SNAP47: variants seen among roughly 807,000 people sequenced by gnomAD.
The protein encoded by SNAP47 is synaptosomal-associated protein 47.
Under a neutral mutation model 31.4 loss-of-function variants are expected in SNAP47, and 20 were observed. The observed-to-expected ratio is 0.64, with a 90% confidence interval of 0.45 to 0.93. The LOEUF is 0.93. Ranked by LOEUF, SNAP47 falls within the 40% of genes least tolerant of loss-of-function variation. The pLI is 0.00. For missense variants in SNAP47, 492 were observed against 528.5 expected (o/e 0.93, Z 0.68); for synonymous variants, 194 against 213.4 (o/e 0.91, Z 0.79).
In SNAP47 at chr1:227,767,027, C is replaced by T. The variant is rs371025106; in HGVS notation, c.1057C>T (p.His353Tyr). The change falls in exon 4 of 5, where the codon CAC (histidine) becomes TAC (tyrosine). Residue 353 changes from histidine (H) to tyrosine (Y), a missense_variant. Coordinates refer to ENST00000617596, the MANE Select transcript of SNAP47 (RefSeq NM_053052.4). ...PAGDQEGTALHLQTSLPALSE... is the reference protein window; with the variant it reads ...PAGDQEGTALYLQTSLPALSE... Reference sequence around the variant, plus strand: ...AGGAGACCAGGAGGGCACAGCACTGCACCTGCAGACAAGCCTGCCAGCCCT... The same window carrying T: ...AGGAGACCAGGAGGGCACAGCACTGTACCTGCAGACAAGCCTGCCAGCCCT... 9 of 1,613,944 alleles carry T rather than the reference C, an allele frequency of 5.6e-6. No homozygotes were observed. The highest frequency in any genetic ancestry group is 4.5e-5 in the East Asian group (2 of 44,902).
intron 3 of SNAP47, among the ~76,000 whole-genome samples, chr1:227,764,349 C>T (rs1663251948): frequency 6.6e-6 from 1 of 152,214 alleles, no homozygotes; most frequent in Non-Finnish European, 1.5e-5. Flanking sequence ...GTCCAGCCTT[C>T]TGAGTGTTTA....
At chr1:227,734,478 A>C, upstream of SNAP47, 6 of 582,704 alleles carry the variant, frequency 1.0e-5, no homozygotes, top group Non-Finnish European at 1.8e-5. Flanking sequence ...CCTCCCAAAG[A>C]ACAACACTTG....
chr1:227,747,092 G>A (rs1662013596), intron 1 of SNAP47: 2 of 152,402 alleles, frequency 1.3e-5, no homozygotes, highest in South Asian at 4.1e-4. Context: ...GTTAGTACGC[G>A]TACGTGTTAC....
intron 2 of SNAP47, among the ~76,000 whole-genome samples, chr1:227,758,334 G>A (rs780823420): frequency 2.6e-5 from 4 of 152,178 alleles, no homozygotes; most frequent in East Asian, 1.9e-4. Context: ...CCTGCAAGAC[G>A]TGCCGGGTTC....
chr1:227,734,629 G>C, upstream of SNAP47: 2 of 1,611,230 alleles, frequency 1.2e-6, no homozygotes, highest in African/African-American at 1.3e-5. Context: ...GCAGCGCCTC[G>C]GTGCGTCCCA....
At chr1:227,735,361 G>T (rs774001001), upstream of SNAP47, 6 of 1,592,794 alleles carry the variant, frequency 3.8e-6, no homozygotes, top group South Asian at 1.1e-5. Context: ...GAAGACGCAG[G>T]GCGCCGCGTT....
chr1:227,771,442 A>G (rs1174800256), intron 4 of SNAP47, among the ~76,000 whole-genome samples: 1 of 152,108 alleles, frequency 6.6e-6, no homozygotes, highest in Non-Finnish European at 1.5e-5. Context: ...CCCAACATGC[A>G]CACAGCAGGA....
At chr1:227,728,172 G>C (rs1013158664), upstream of SNAP47, among the ~76,000 whole-genome samples, 1 of 152,208 alleles carries the variant, frequency 6.6e-6, no homozygotes, top group Admixed American at 6.5e-5. Flanking sequence ...GGAACCACAG[G>C]CGGTGAGTCA....
At chr1:227,753,589 C>T (rs1662512678) in intron 2 of SNAP47, among the ~76,000 whole-genome samples, 3 of 152,160 alleles carry the variant, frequency 2.0e-5, no homozygotes, top group Admixed American at 2.0e-4. Flanking sequence ...TTCTGAGAAG[C>T]GGGGTCTGTC....
At chr1:227,773,158 A>C (rs1572051439) in intron 4 of SNAP47, among the ~76,000 whole-genome samples, 1 of 128,750 alleles carries the variant, frequency 7.8e-6, no homozygotes, top group Admixed American at 8.6e-5. Flanking sequence ...TTTTGTAGAC[A>C]TGGAGTCTCC....
chr1:227,756,662 T>C (rs1328525743), intron 2 of SNAP47, among the ~76,000 whole-genome samples: 1 of 152,192 alleles, frequency 6.6e-6, no homozygotes, highest in Non-Finnish European at 1.5e-5. Context: ...CTGTCTGAAA[T>C]GGGGTAGATC....
chr1:227,771,470 G>A (rs1406988683), intron 4 of SNAP47, among the ~76,000 whole-genome samples: 3 of 152,088 alleles, frequency 2.0e-5, no homozygotes, highest in Non-Finnish European at 4.4e-5. Context: ...TCCCAGGGGC[G>A]CCCTGGACCA....
In SNAP47 at chr1:227,759,427, G is replaced by A. The variant is rs888108331; in HGVS notation, c.930G>A (p.Val310=). 4 of 1,614,222 alleles carry A rather than the reference G, an allele frequency of 2.5e-6. No homozygotes were observed. The South Asian group carries it at 3.3e-5, about 13-fold the overall frequency. Residue 310 remains valine (V), a synonymous_variant, in exon 3 of 5, where the codon GTG becomes GTA. Transcript: ENST00000617596. ...KKMELLEDAL[V]LRSARTSSPA... ...TGGAGCTGTTAGAAGATGCATTGGT[G>A]CTCAGAAGCGCAAGAACCTCTTCCC...
intron 4 of SNAP47, chr1:227,776,042 C>T: frequency 1.7e-6 from 2 of 1,198,084 alleles, no homozygotes; most frequent in Non-Finnish European, 2.1e-6. Flanking sequence ...CTGGCAGTGT[C>T]AGCCACGCAT....
At chr1:227,759,997 A>T (rs903374929) in intron 3 of SNAP47, among the ~76,000 whole-genome samples, 11 of 152,098 alleles carry the variant, frequency 7.2e-5, no homozygotes, top group Non-Finnish European at 1.5e-4. Flanking sequence ...TTCCCCCTTG[A>T]GTGTCTCTGC....
At position 227,758,279 on chromosome 1, in the gene SNAP47, C is replaced by T. The variant is rs74140379; in HGVS notation, c.498-716C>T. On this transcript the variant is annotated intron_variant, in intron 2 of 4. Transcript: ENST00000617596. Reference sequence around the variant, plus strand: ...AGTCCCTGAAGGCCACAGAAACTTCCTGGCCAGTAGAGGTAGCCCTTCCTC... The same window carrying T: ...AGTCCCTGAAGGCCACAGAAACTTCTTGGCCAGTAGAGGTAGCCCTTCCTC... Among the ~76,000 whole-genome samples, 658 of 152,332 alleles carry T rather than the reference C, an allele frequency of 4.3e-3. 6 individuals carry two copies. The highest frequency in any genetic ancestry group is 0.015 in the African/African-American group (619 of 41,562).
At chr1:227,733,423 C>T (rs1660808090), upstream of SNAP47, 2 of 1,577,324 alleles carry the variant, frequency 1.3e-6, no homozygotes. Context: ...CCAGGTTGTG[C>T]ACCTGGTGGT....
intron 1 of SNAP47, among the ~76,000 whole-genome samples, chr1:227,742,909 T>C (rs1661707109): frequency 6.6e-6 from 1 of 152,312 alleles, no homozygotes; most frequent in Non-Finnish European, 1.5e-5. Context: ...GCCTTGCAGC[T>C]GCTGTGGCAG....
At chr1:227,748,282 C>G in intron 2 of SNAP47, 49 bp downstream of exon 2, 1 of 1,478,640 alleles carries the variant, frequency 6.8e-7, no homozygotes, top group Non-Finnish European at 9.0e-7. Context: ...GTAAGATGCA[C>G]ATGTGTGGAG....
Sources: allele counts gnomAD v4.1 joint callset (sites outside exome capture counted in the v4.1 genomes callset), GRCh38; gene constraint gnomAD v4.1.1; transcripts MANE v1.5; gene names NCBI Gene and HGNC (gene_info 2026-07-23, HGNC 2026-07-21).